The following PTPN13 variants were observed in gnomAD, a reference collection of about 807,000 sequenced individuals.
PTPN13 encodes the protein protein tyrosine phosphatase non-receptor type 13.
In PTPN13, 191 loss-of-function variants were observed where a neutral mutation model predicts 284.0. The ratio of observed to expected loss-of-function variants is 0.67; its 90% confidence interval spans 0.60 to 0.76. PTPN13 has a LOEUF of 0.76. Ranked by LOEUF, PTPN13 falls within the 30% of genes least tolerant of loss-of-function variation. The probability of loss-of-function intolerance (pLI) is 0.00; values close to 1 mark genes in which losing one functional copy is unlikely to be tolerated. For missense variants in PTPN13, 2,797 were observed against 2,939.9 expected (o/e 0.95, Z 1.12); for synonymous variants, 986 against 1,022.3 (o/e 0.96, Z 0.68).
intron 2 of PTPN13, among the ~76,000 whole-genome samples, chr4:86,639,503 A>G (rs1723492424): frequency 6.6e-6 from 1 of 152,192 alleles, no homozygotes; most frequent in South Asian, 2.1e-4. Flanking sequence ...AGCCATAAAA[A>G]AATGATGAGT....
chr4:86,650,105 G>T (rs1233228584), intron 2 of PTPN13, among the ~76,000 whole-genome samples: 3 of 149,766 alleles, frequency 2.0e-5, no homozygotes, highest in Non-Finnish European at 4.4e-5. Flanking sequence ...CCCTGCCTCA[G>T]CCTTCCAAGT....
At chr4:86,609,162 G>T (rs1376842096) in intron 1 of PTPN13, among the ~76,000 whole-genome samples, 2 of 152,094 alleles carry the variant, frequency 1.3e-5, no homozygotes, top group Non-Finnish European at 2.9e-5. Context: ...TCCCTCAACT[G>T]GCTGTCTTCA....
chr4:86,674,682 C>T (rs1012938668), intron 3 of PTPN13, among the ~76,000 whole-genome samples: 8 of 152,048 alleles, frequency 5.3e-5, no homozygotes, highest in Admixed American at 2.0e-4. Flanking sequence ...ATGCTTAAGG[C>T]ATTAGACTAA....
intron 6 of PTPN13, among the ~76,000 whole-genome samples, chr4:86,697,852 A>G (rs763643278): frequency 1.3e-5 from 2 of 152,182 alleles, no homozygotes; most frequent in Non-Finnish European, 2.9e-5. Context: ...TGTTAATCAC[A>G]TATAACAAAA....
chr4:86,622,345 A>C (rs1227782894), intron 1 of PTPN13, among the ~76,000 whole-genome samples: 1 of 152,182 alleles, frequency 6.6e-6, no homozygotes, highest in African/African-American at 2.4e-5. Context: ...GTTTTGAGAG[A>C]GATAATTACA....
rs1440124670 is a variant in PTPN13 at position 86,793,988 on chromosome 4, ATAAC to A, written c.6346-2882_6346-2879del. ...TTCAAAAGCTAGCAGAAGGCAAAAA[ATAAC>A]TAAGATCAGAGCAGAACTGAAGGAG... On this transcript the variant is annotated intron_variant, in intron 40 of 47. Coordinates refer to ENST00000411767, the MANE Select transcript of PTPN13 (RefSeq NM_080683.3). 3.9e-5 allele frequency among the ~76,000 whole-genome samples: 6 copies of A among 152,338 alleles called. 1 individual carries two copies. The East Asian group carries it at 1.2e-3, about 29-fold the overall frequency.
In PTPN13 at chr4:86,732,401, A is replaced by C. The variant is rs2149129167; in HGVS notation, c.1610A>C (p.Asn537Thr). Residue 537 changes from asparagine to threonine, a missense_variant and splice_region_variant, in exon 11 of 48, where the codon AAT (asparagine) becomes ACT (threonine). Asn to Thr is a moderately conservative substitution (Grantham distance 65). Coordinates refer to ENST00000411767, the MANE Select transcript of PTPN13 (RefSeq NM_080683.3). The part of the protein sequence containing the change: ...ETAMTQRKLR[N>T]FFGPEFVKMT... ...TGATTCTGCTTATGTGATTTGCAGA[A>C]TTTCTTTGGCCCTGAGTTTGTGAAA... 1 of 1,588,012 alleles carries C rather than the reference A, an allele frequency of 6.3e-7. No homozygotes were observed. Among genetic ancestry groups the C allele is most frequent in the African/African-American group, 1.3e-5 (1 of 74,538 alleles).
intron 2 of PTPN13, among the ~76,000 whole-genome samples, chr4:86,640,585 A>G (rs1565209431): frequency 6.6e-6 from 1 of 152,248 alleles, no homozygotes; most frequent in Non-Finnish European, 1.5e-5. Context: ...GACATAGACG[A>G]TAAGTACTAC....
intron 1 of PTPN13, among the ~76,000 whole-genome samples, chr4:86,620,510 G>C (rs1282574708): frequency 6.6e-6 from 1 of 152,198 alleles, no homozygotes; most frequent in Non-Finnish European, 1.5e-5. Flanking sequence ...ATTCATTAAT[G>C]CAGTACACAT....
At chr4:86,727,352 CT>C (rs1203728721) in intron 10 of PTPN13, among the ~76,000 whole-genome samples, 1 of 149,726 alleles carries the variant, frequency 6.7e-6, no homozygotes, top group Non-Finnish European at 1.5e-5. Context: ...AGGATTCCCT[CT>C]TTTTCTATTC....
At chr4:86,784,304 T>C (rs1332468883) in intron 37 of PTPN13, among the ~76,000 whole-genome samples, 161 bp from the exon 38 acceptor site, 1 of 152,102 alleles carries the variant, frequency 6.6e-6, no homozygotes, top group African/African-American at 2.4e-5. Flanking sequence ...CCTATGCACA[T>C]TTAATTGCAC....
intron 45 of PTPN13, among the ~76,000 whole-genome samples, chr4:86,809,563 C>A (rs529603405): frequency 6.6e-6 from 1 of 152,142 alleles, no homozygotes; most frequent in East Asian, 1.9e-4. Context: ...CTGGGTGTGG[C>A]AATGTGCGCC....
intron 42 of PTPN13, among the ~76,000 whole-genome samples, chr4:86,802,078 G>A (rs1036286127): frequency 4.0e-5 from 6 of 151,736 alleles, no homozygotes; most frequent in Admixed American, 1.3e-4. Flanking sequence ...TTTGTTTGAT[G>A]TGCTGCAATT....
chr4:86,697,241 C>T (rs964743784), intron 6 of PTPN13, among the ~76,000 whole-genome samples: 1 of 151,988 alleles, frequency 6.6e-6, no homozygotes, highest in Admixed American at 6.6e-5. Flanking sequence ...TGTGCACCAA[C>T]CTAAAATCTG....
chr4:86,764,598 T>A lies in PTPN13; in HGVS notation c.4023T>A (p.Ser1341=). The change falls in exon 25 of 48, where the codon TCT becomes TCA. Residue 1341 remains serine, a synonymous_variant. Transcript: ENST00000411767. ...GTTTGTTTTTCTTTGTTAAGGAATC[T>A]TCCTCTTCAGTGAATACATCCAACA... ...SQDHQTPKQE[S]SSSVNTSNKM... 1 of 1,492,180 alleles carries A rather than the reference T, an allele frequency of 6.7e-7. No homozygotes were observed. Among genetic ancestry groups the A allele is most frequent in the South Asian group, 1.4e-5 (1 of 73,406 alleles). The allele number at this position is 1,492,180 out of a possible 1,614,324, so 92.4% of individuals were successfully genotyped here.
chr4:86,632,833 C>T (rs1300440571), intron 1 of PTPN13, among the ~76,000 whole-genome samples: 4 of 151,884 alleles, frequency 2.6e-5, no homozygotes, highest in East Asian at 1.9e-4. Flanking sequence ...TTTTTAGAAA[C>T]GGTCTCACTC....
At chr4:86,780,026 G>A (rs1369493962) in intron 35 of PTPN13, among the ~76,000 whole-genome samples, 2 of 152,062 alleles carry the variant, frequency 1.3e-5, no homozygotes, top group Non-Finnish European at 2.9e-5. Context: ...TAAATAAAAG[G>A]GGAAATAGGG....
intron 6 of PTPN13, 123 bp from the exon 7 acceptor site, chr4:86,701,118 A>C: frequency 3.0e-6 from 2 of 677,284 alleles, no homozygotes; most frequent in South Asian, 4.7e-5. Flanking sequence ...ATCCCATTTC[A>C]CCTCTGATCT....
intron 3 of PTPN13, among the ~76,000 whole-genome samples, chr4:86,676,219 T>C (rs903042291): frequency 1.3e-5 from 2 of 152,232 alleles, no homozygotes; most frequent in African/African-American, 2.4e-5. Context: ...CCTGTGCCAC[T>C]GAAGAAGAAA....
Sources: allele counts gnomAD v4.1 joint callset (sites outside exome capture counted in the v4.1 genomes callset), GRCh38; gene constraint gnomAD v4.1.1; transcripts MANE v1.5; gene names NCBI Gene and HGNC (gene_info 2026-07-23, HGNC 2026-07-21).